The following CCSER1 variants were observed in gnomAD, a reference collection of about 807,000 sequenced individuals.
The protein encoded by CCSER1 is coiled-coil serine rich protein 1, also known as serine-rich coiled-coil domain-containing protein 1.
CCSER1 carries 41 observed loss-of-function variants against 82.0 expected under a neutral mutation model. The ratio of observed to expected loss-of-function variants is 0.50; its 90% confidence interval spans 0.39 to 0.65. CCSER1 has a LOEUF of 0.65. CCSER1 is among the 30% of genes least tolerant of loss of function. The pLI is 0.00. For missense variants in CCSER1, 1,119 were observed against 1,064.2 expected, an observed-to-expected ratio of 1.05 and a Z score of -0.72; for synonymous variants, 414 against 383.9, an observed-to-expected ratio of 1.08 and a Z score of -0.92.
intron 10 of CCSER1, among the ~76,000 whole-genome samples, chr4:91,296,449 TTATATA>T (rs72475346): frequency 1.1e-5 from 1 of 94,112 alleles, no homozygotes; most frequent in African/African-American, 5.6e-5. Context: ...GTGTCTAACA[TTATATA>T]TATATATATA....
At chr4:90,907,224 T>A (rs1561340321) in intron 8 of CCSER1, among the ~76,000 whole-genome samples, 1 of 152,072 alleles carries the variant, frequency 6.6e-6, no homozygotes, top group Non-Finnish European at 1.5e-5. Context: ...GTATGTTTCT[T>A]TATCCCAAGG....
At chr4:91,102,485 A>G (rs574882932) in intron 10 of CCSER1, among the ~76,000 whole-genome samples, 9 of 152,272 alleles carry the variant, frequency 5.9e-5, no homozygotes, top group African/African-American at 2.2e-4. Flanking sequence ...GTAGCTTTAC[A>G]GCGGATTTTA....
chr4:91,294,702 G>A (rs1306526014), intron 10 of CCSER1, among the ~76,000 whole-genome samples: 2 of 151,758 alleles, frequency 1.3e-5, no homozygotes, highest in Non-Finnish European at 2.9e-5. Flanking sequence ...CTCTTCCTGT[G>A]TATACCTCCA....
In CCSER1 at chr4:90,461,128, G is replaced by C. The variant is rs567321668; in HGVS notation, c.1604-7106G>C. 1.6e-3 allele frequency among the ~76,000 whole-genome samples: 168 copies of C among 105,640 alleles called. 7 individuals carry two copies. The highest frequency in any genetic ancestry group is 2.3e-3 in the Non-Finnish European group (129 of 56,066). 69.3% of individuals were successfully genotyped at this position (105,640 alleles called of 152,430 possible). On this transcript the variant is annotated intron_variant, in intron 4 of 10. Coordinates refer to ENST00000509176, the MANE Select transcript of CCSER1 (RefSeq NM_001145065.2). Reference sequence around the variant, plus strand: ...TCGCCCAGGCTGGAGTGCAGTGGCGGGATCTCGGCTCACTGCAAGCTCCGC... The same window carrying C: ...TCGCCCAGGCTGGAGTGCAGTGGCGCGATCTCGGCTCACTGCAAGCTCCGC...
intron 7 of CCSER1, among the ~76,000 whole-genome samples, chr4:90,758,188 C>T (rs1429501057): frequency 2.6e-5 from 4 of 152,082 alleles, no homozygotes; most frequent in East Asian, 1.9e-4. Flanking sequence ...CCGCCTGCGT[C>T]GGCCTCCCAA....
At chr4:91,484,567 C>A (rs1280943075) in intron 10 of CCSER1, among the ~76,000 whole-genome samples, 2 of 151,948 alleles carry the variant, frequency 1.3e-5, no homozygotes, top group African/African-American at 4.8e-5. Context: ...GTAAACATTG[C>A]CTAAAAGTTG....
intron 3 of CCSER1, among the ~76,000 whole-genome samples, chr4:90,353,006 C>T (rs559993446): frequency 1.3e-5 from 2 of 152,006 alleles, no homozygotes; most frequent in South Asian, 4.1e-4. Context: ...TATTAGCAAT[C>T]ATCAGGCATT....
At chr4:90,514,748 C>T (rs1214506686) in intron 5 of CCSER1, among the ~76,000 whole-genome samples, 1 of 150,886 alleles carries the variant, frequency 6.6e-6, no homozygotes, top group Non-Finnish European at 1.5e-5. Context: ...AGAGGAGACG[C>T]CGTTGCAAAA....
At chr4:90,750,216 C>T (rs561396507) in intron 7 of CCSER1, among the ~76,000 whole-genome samples, 43 of 151,944 alleles carry the variant, frequency 2.8e-4, no homozygotes, top group South Asian at 6.3e-4. Flanking sequence ...GAGTAGGTTG[C>T]GAAAATTTTC....
At chr4:91,317,326 A>C (rs1745904745) in intron 10 of CCSER1, among the ~76,000 whole-genome samples, 1 of 151,752 alleles carries the variant, frequency 6.6e-6, no homozygotes, top group South Asian at 2.1e-4. Flanking sequence ...GGACCTTTGA[A>C]TTTTTCCTCC....
chr4:91,489,424 A>G (rs755027890), intron 10 of CCSER1, among the ~76,000 whole-genome samples: 9 of 152,070 alleles, frequency 5.9e-5, no homozygotes, highest in Non-Finnish European at 1.0e-4. Context: ...TATCTTGCTT[A>G]TGCATTATTT....
intron 6 of CCSER1, among the ~76,000 whole-genome samples, chr4:90,700,869 T>G (rs950072071): frequency 4.6e-5 from 7 of 152,176 alleles, no homozygotes; most frequent in African/African-American, 1.2e-4. Flanking sequence ...GTTCTTTGTA[T>G]ATTCTGGTTA....
intron 10 of CCSER1, among the ~76,000 whole-genome samples, chr4:91,362,789 G>A (rs756970016): frequency 6.6e-6 from 1 of 151,694 alleles, no homozygotes. Context: ...AACTGTCTTT[G>A]TGAAACTACT....
At chr4:91,045,324 A>G (rs894675915) in intron 9 of CCSER1, among the ~76,000 whole-genome samples, 2 of 152,218 alleles carry the variant, frequency 1.3e-5, no homozygotes, top group Admixed American at 1.3e-4. Context: ...TATATACTTT[A>G]TGAAATAAAT....
chr4:90,520,607 T>C (rs1025979546), intron 5 of CCSER1, among the ~76,000 whole-genome samples: 2 of 152,188 alleles, frequency 1.3e-5, no homozygotes, highest in African/African-American at 4.8e-5. Flanking sequence ...AATGAATTAA[T>C]CAGATATTCA....
chr4:91,073,061 A>T (rs1304695898), intron 9 of CCSER1, among the ~76,000 whole-genome samples: 4 of 152,072 alleles, frequency 2.6e-5, no homozygotes, highest in Non-Finnish European at 5.9e-5. Context: ...TTCTTTTTTT[A>T]AATGGGACGT....
intron 4 of CCSER1, among the ~76,000 whole-genome samples, chr4:90,465,201 A>C (rs575716548): frequency 6.6e-6 from 1 of 152,140 alleles, no homozygotes; most frequent in Admixed American, 6.5e-5. Flanking sequence ...TGACCTTGTG[A>C]TCTGCCCACC....
At chr4:90,545,853 T>C (rs868020962) in intron 5 of CCSER1, among the ~76,000 whole-genome samples, 18 of 152,172 alleles carry the variant, frequency 1.2e-4, no homozygotes, top group African/African-American at 4.1e-4. Context: ...GTCAAATACA[T>C]TTGGAAAGTG....
intron 10 of CCSER1, among the ~76,000 whole-genome samples, chr4:91,114,054 G>C (rs898889090): frequency 2.0e-5 from 3 of 151,934 alleles, no homozygotes; most frequent in Non-Finnish European, 2.9e-5. Flanking sequence ...GGGTTTCATC[G>C]TGTTAGCCAG....
Sources: gnomAD v4.1 joint callset for allele counts (sites outside exome capture counted in the v4.1 genomes callset) on GRCh38, gnomAD v4.1.1 for gene constraint, MANE v1.5 for transcripts, NCBI Gene and HGNC (gene_info 2026-07-23, HGNC 2026-07-21) for gene names.